NLRC5: variants seen among roughly 807,000 people sequenced by gnomAD.
The protein encoded by NLRC5 is protein NLRC5.
A neutral mutation model predicts 206.9 loss-of-function variants in NLRC5; 114 were observed. That is an observed-to-expected ratio of 0.55 (90% CI 0.47 to 0.64). The LOEUF (loss-of-function observed/expected upper bound fraction) is 0.64. Ranked by LOEUF, NLRC5 falls within the 30% of genes least tolerant of loss-of-function variation. The probability of loss-of-function intolerance (pLI) is 0.00; values close to 1 mark genes in which losing one functional copy is unlikely to be tolerated. For synonymous variants in NLRC5, 952 were observed against 962.8 expected (o/e 0.99, Z 0.21); for missense variants, 2,008 against 2,305.5 (o/e 0.87, Z 2.64).
At chr16:57,012,431 C>T (rs1229631138) in intron 1 of NLRC5, among the ~76,000 whole-genome samples, 2 of 152,162 alleles carry the variant, frequency 1.3e-5, no homozygotes, top group Non-Finnish European at 2.9e-5. Context: ...AGGCAGGGGT[C>T]CCCAACCCCC....
At chr16:57,034,080 C>T (rs1597274317) in intron 12 of NLRC5, 88 bp from the exon 13 acceptor site, 2 of 1,103,228 alleles carry the variant, frequency 1.8e-6, no homozygotes, top group South Asian at 1.4e-5. Context: ...TCTGTGGGCC[C>T]CCTGACTCCC....
chr16:57,066,568 C>A lies in NLRC5; in HGVS notation c.4276C>A (p.Leu1426Met). 6.2e-7 allele frequency: 1 copy of A among 1,614,078 alleles called. No individual in the cohort carries two copies. Among genetic ancestry groups the A allele is most frequent in the Non-Finnish European group, 8.5e-7 (1 of 1,180,016 alleles). The change falls in exon 34 of 49, where the codon CTG becomes ATG. Residue 1426 changes from leucine to methionine, a missense_variant. Leu to Met is a conservative substitution (Grantham distance 15, BLOSUM62 2). Coordinates refer to ENST00000688547, the MANE Select transcript of NLRC5 (RefSeq NM_001384950.1). ...GACCCAGCAGCAGCTCTGTGTCCAG[C>A]TGGAATTTCCTCGCCAGGAAGAGAA... ...SETQQQLCVQ[L>M]EFPRQEENPE...
Position 57,070,042 on chromosome 16 carries a change from A to G in NLRC5, c.4583+123A>G, listed in dbSNP as rs1414148111. On this transcript the variant is annotated intron_variant, in intron 37 of 48. Transcript: ENST00000688547. ...TCAACCAATGACCCTTCCCCTGATG[A>G]AGTGCAGCAGTTCTGGGTGTGGCCT... The G allele has an allele frequency of 3.9e-6, 3 of 759,960 alleles. No homozygotes were observed. The African/African-American group carries it at 5.2e-5, about 13-fold the overall frequency. 47.1% of individuals were successfully genotyped at this position (759,960 alleles called of 1,614,324 possible).
chr16:57,082,527 G>C lies in NLRC5; in HGVS notation c.5600G>C (p.Ter1867SerextTer12), dbSNP rs765116347. The change falls in exon 49 of 49, where the codon TGA (stop) becomes TCA (serine). Residue 1867 changes from the stop codon to serine, a stop_lost. Coordinates refer to ENST00000688547, the MANE Select transcript of NLRC5 (RefSeq NM_001384950.1). ...CAGCCCCAGGCCCCTTGGGGTACTTGATGGCCCCCTCAAGACCTTTGGAAT... is the reference window on the plus strand; with the variant it reads ...CAGCCCCAGGCCCCTTGGGGTACTTCATGGCCCCCTCAAGACCTTTGGAAT... ...DNQPQAPWGT[*>S] is the part of the protein sequence containing the mutation. 2 of 1,608,134 alleles carry C rather than the reference G, an allele frequency of 1.2e-6. No individual in the cohort carries two copies. Among genetic ancestry groups the C allele is most frequent in the Admixed American group, 1.7e-5 (1 of 59,874 alleles).
At chr16:57,023,931 T>C (rs979985410) in intron 5 of NLRC5, 78 bp downstream of exon 5, 2 of 1,333,982 alleles carry the variant, frequency 1.5e-6, no homozygotes. Context: ...CTGGACCTTG[T>C]CCCCTGCCAA....
Position 57,031,477 on chromosome 16 carries a change from A to G in NLRC5, c.2477+14A>G. The G allele has an allele frequency of 6.2e-7, 1 of 1,613,588 alleles. No individual in the cohort carries two copies. On this transcript the variant is annotated intron_variant, in intron 11 of 48. Transcript: ENST00000688547. ...AGAGCTACAAAGGTAAGAAGCCAAG[A>G]GGCGGTGGGCCTGGGGCCATCCTTA...
intron 8 of NLRC5, 108 bp from the exon 9 acceptor site, chr16:57,029,665 C>T: frequency 1.2e-6 from 1 of 863,804 alleles, no homozygotes; most frequent in Non-Finnish European, 1.9e-6. Flanking sequence ...TTTCTGGGCC[C>T]CTGTCTTATG....
At position 57,020,808 on chromosome 16, in the gene NLRC5, G is replaced by T. The variant is rs1397102389; in HGVS notation, c.96G>T (p.Met32Ile). ...TKDPEWLNAK[M>I]KFFLPNTDLD... Reference sequence around the variant, plus strand: ...ACCCAGAATGGCTGAACGCCAAGATGAAGTTCTTCCTCCCCAACACGGACC... The same window carrying T: ...ACCCAGAATGGCTGAACGCCAAGATTAAGTTCTTCCTCCCCAACACGGACC... The change falls in exon 3 of 49, where the codon ATG becomes ATT. Residue 32 changes from methionine (M) to isoleucine (I), a missense_variant. Coordinates refer to ENST00000688547, the MANE Select transcript of NLRC5 (RefSeq NM_001384950.1). 1.2e-6 allele frequency: 2 copies of T among 1,613,358 alleles called. No homozygotes were observed. The highest frequency in any genetic ancestry group is 2.7e-5 in the African/African-American group (2 of 74,672).
intron 1 of NLRC5, among the ~76,000 whole-genome samples, chr16:57,002,494 A>AT (rs2058374425): frequency 6.6e-6 from 1 of 152,134 alleles, no homozygotes; most frequent in African/African-American, 2.4e-5. Context: ...ACTTAGATTA[A>AT]TTCCAAATCT....
In NLRC5 at chr16:57,020,912, A is replaced by C; in HGVS notation, c.200A>C (p.Asp67Ala). The C allele has an allele frequency of 1.2e-6, 2 of 1,613,928 alleles. No homozygotes were observed. The highest frequency in any genetic ancestry group is 1.7e-6 in the Non-Finnish European group (2 of 1,179,984). The change falls in exon 3 of 49, where the codon GAC becomes GCC. Residue 67 changes from aspartate to alanine, a missense_variant. Asp to Ala is a moderately radical substitution (Grantham distance 126). Transcript: ENST00000688547. ...AACAAGCTGCATGTCCAGGGTTCGG[A>C]CACCTGGCAGTCTTTCATTCATTGT... is the stretch of plus-strand genomic sequence containing the variant. ...QLNKLHVQGS[D>A]TWQSFIHCVC...
At chr16:57,076,526 A>G (rs1357409292) in intron 39 of NLRC5, among the ~76,000 whole-genome samples, 1 of 152,184 alleles carries the variant, frequency 6.6e-6, no homozygotes, top group Non-Finnish European at 1.5e-5. Context: ...AGAAATGTAG[A>G]GACTCCTCCT....
intron 1 of NLRC5, chr16:56,992,218 G>A (rs1314546990): frequency 2.6e-5 from 4 of 152,208 alleles, no homozygotes; most frequent in African/African-American, 9.7e-5. Flanking sequence ...CTCCAGAACT[G>A]CGAGAGAAGA....
At chr16:57,029,887 C>T (rs766396765) in intron 9 of NLRC5, 31 bp downstream of exon 9, 5 of 1,610,680 alleles carry the variant, frequency 3.1e-6, no homozygotes, top group Non-Finnish European at 2.5e-6. Flanking sequence ...CTCTGCAGCC[C>T]AGTCCCTCTC....
At chr16:57,044,491 C>G (rs1361037097) in intron 20 of NLRC5, among the ~76,000 whole-genome samples, 4 of 152,090 alleles carry the variant, frequency 2.6e-5, no homozygotes, top group Non-Finnish European at 4.4e-5. Context: ...TTTCCCTTCC[C>G]TAAGGACCCC....
At chr16:57,080,790 A>G (rs2069040725) in intron 46 of NLRC5, 1 of 295,010 alleles carries the variant, frequency 3.4e-6, no homozygotes, top group African/African-American at 2.2e-5. Context: ...TAAAGTAAGA[A>G]AAAAGAGGGG....
In NLRC5 at chr16:56,999,749, CA is replaced by C. The variant is rs148721898; in HGVS notation, c.-128+10134del. 5.3e-5 allele frequency among the ~76,000 whole-genome samples: 8 copies of C among 152,354 alleles called. No individual in the cohort carries two copies. In the East Asian group the frequency reaches 1.5e-3, roughly 29 times the overall value. ...CTCAAGGTCTCCATCTAAATATGGTCAACTTGGTGGCCTTCCTGTCCCCAGG... is the reference window on the plus strand; with the variant it reads ...CTCAAGGTCTCCATCTAAATATGGTCACTTGGTGGCCTTCCTGTCCCCAGG... On this transcript the variant is annotated intron_variant, in intron 1 of 48. Transcript: ENST00000688547.
chr16:57,010,142 G>A (rs1230805319), intron 1 of NLRC5, among the ~76,000 whole-genome samples: 1 of 152,190 alleles, frequency 6.6e-6, no homozygotes, highest in Non-Finnish European at 1.5e-5. Context: ...GAGATCAGGA[G>A]CTCAGTTTCG....
chr16:56,992,860 AG>A (rs2057076317), intron 1 of NLRC5, among the ~76,000 whole-genome samples: 2 of 143,682 alleles, frequency 1.4e-5, no homozygotes, highest in Admixed American at 1.4e-4. Context: ...TATGCGTTAA[AG>A]GGAAATTAAA....
rs375154700 is a variant in NLRC5 at position 57,023,877 on chromosome 16, C to T, written c.424+24C>T. The T allele has an allele frequency of 8.1e-6, 13 of 1,596,100 alleles. No individual in the cohort carries two copies. In the African/African-American group the frequency reaches 1.3e-4, roughly 16 times the overall value. Reference sequence around the variant, plus strand: ...AGGTGGGTACCAGTGTGGGGAGGAACATAAACAGAGAGATGGGGTTGCCTG... The same window carrying T: ...AGGTGGGTACCAGTGTGGGGAGGAATATAAACAGAGAGATGGGGTTGCCTG... On this transcript the variant is annotated intron_variant, in intron 5 of 48. Transcript: ENST00000688547.
Sources: allele counts gnomAD v4.1 joint callset (sites outside exome capture counted in the v4.1 genomes callset), GRCh38; gene constraint gnomAD v4.1.1; transcripts MANE v1.5; gene names NCBI Gene and HGNC (gene_info 2026-07-23, HGNC 2026-07-21).